The following MCM10 variants were observed in gnomAD, a reference collection of about 807,000 sequenced individuals.
MCM10 encodes minichromosome maintenance 10 replication initiation factor, also known as protein MCM10 homolog.
A neutral mutation model predicts 109.9 loss-of-function variants in MCM10; 91 were observed. That is an observed-to-expected ratio of 0.83 (90% CI 0.70 to 0.99). The LOEUF is 0.99. Among genes scored for constraint, MCM10 ranks in the 50% least tolerant of loss-of-function variants. The pLI, the probability that MCM10 is intolerant of heterozygous loss-of-function variation, is 0.00. For missense variants in MCM10, 1,077 were observed against 1,061.2 expected (o/e 1.01, Z -0.21); for synonymous variants, 380 against 387.2 (o/e 0.98, Z 0.22).
intron 5 of MCM10, among the ~76,000 whole-genome samples, chr10:13,174,853 G>T (rs1230497953): frequency 6.6e-6 from 1 of 152,188 alleles, no homozygotes; most frequent in African/African-American, 2.4e-5. Context: ...TCCTGGCCGG[G>T]GGCGGTGGTT....
chr10:13,171,453 A>G (rs964289877), intron 3 of MCM10, among the ~76,000 whole-genome samples, 190 bp downstream of exon 3: 2 of 152,232 alleles, frequency 1.3e-5, no homozygotes, highest in Admixed American at 1.3e-4. Context: ...AGCACAAACT[A>G]TAGACTCTAT....
At chr10:13,195,901 C>T (rs1385961771) in intron 14 of MCM10, among the ~76,000 whole-genome samples, 2 of 151,740 alleles carry the variant, frequency 1.3e-5, no homozygotes, top group Admixed American at 6.6e-5. Flanking sequence ...CCATGCCTGG[C>T]GGTTTTATTT....
intron 18 of MCM10, 38 bp downstream of exon 18, chr10:13,204,402 G>C (rs746725531): frequency 1.2e-6 from 2 of 1,607,988 alleles, no homozygotes; most frequent in South Asian, 2.2e-5. Flanking sequence ...CCCACGTGGG[G>C]ATTTTCATCT....
chr10:13,183,361 G>T (rs1021888320), intron 8 of MCM10, among the ~76,000 whole-genome samples: 1 of 152,066 alleles, frequency 6.6e-6, no homozygotes, highest in African/African-American at 2.4e-5. Context: ...AGGAGGCTGC[G>T]GTGGGAGGTT....
At chr10:13,170,714 CTTTCA>C (rs1055398762) in intron 2 of MCM10, among the ~76,000 whole-genome samples, 53 of 152,014 alleles carry the variant, frequency 3.5e-4, no homozygotes, top group African/African-American at 1.3e-3. Flanking sequence ...TTAGTTTCAG[CTTTCA>C]TTTTAGATTC....
chr10:13,177,186 A>C (rs973634780), intron 6 of MCM10, among the ~76,000 whole-genome samples: 2 of 152,220 alleles, frequency 1.3e-5, no homozygotes, highest in Non-Finnish European at 1.5e-5. Flanking sequence ...GAAGAGACTT[A>C]AACTACTCAG....
intron 2 of MCM10, among the ~76,000 whole-genome samples, chr10:13,168,946 A>G (rs1024868179): frequency 1.3e-5 from 2 of 152,236 alleles, no homozygotes; most frequent in Non-Finnish European, 2.9e-5. Context: ...CAGAAAAATC[A>G]AGCGGACATA....
chr10:13,207,413 C>T (rs914224768), intron 18 of MCM10, among the ~76,000 whole-genome samples: 1 of 151,948 alleles, frequency 6.6e-6, no homozygotes, highest in Non-Finnish European at 1.5e-5. Flanking sequence ...TTCATTGATA[C>T]TGAACCAGTC....
At chr10:13,200,375 G>A (rs1834481510) in intron 16 of MCM10, among the ~76,000 whole-genome samples, 1 of 152,180 alleles carries the variant, frequency 6.6e-6, no homozygotes, top group African/African-American at 2.4e-5. Flanking sequence ...GTCCCTGCCA[G>A]CCACAGAGGT....
chr10:13,162,757 G>A (rs935655337), intron 1 of MCM10, among the ~76,000 whole-genome samples: 2 of 152,198 alleles, frequency 1.3e-5, no homozygotes, highest in African/African-American at 4.8e-5. Context: ...TGGCACATGA[G>A]GGATCCGTGG....
At position 13,210,685 on chromosome 10, in the gene MCM10, T is replaced by C. The variant is rs181680455; in HGVS notation, c.*1375T>C. ...TATCTAACTTGTGTTCCTCCTAAGG[T>C]TATGTCCTAATAACTATTCTTTTAG... On this transcript the variant is annotated 3_prime_UTR_variant, in exon 20 of 20. Coordinates refer to ENST00000378714, the MANE Select transcript of MCM10 (RefSeq NM_018518.5). The C allele has an allele frequency of 6.6e-6, 1 of 152,312 alleles. No individual in the cohort carries two copies. Among genetic ancestry groups the C allele is most frequent in the Non-Finnish European group, 1.5e-5 (1 of 68,030 alleles). 9.4% of individuals were successfully genotyped at this position (152,312 alleles called of 1,614,324 possible). A position where few individuals can be genotyped will look rare whatever the true frequency, so the allele number is the denominator to read the frequency against.
intron 14 of MCM10, 158 bp downstream of exon 14, chr10:13,195,427 G>A: frequency 3.3e-6 from 2 of 605,538 alleles, no homozygotes; most frequent in Non-Finnish European, 5.6e-6. Flanking sequence ...AAGAAAGTTA[G>A]ATCTGTTATC....
chr10:13,188,942 G>T lies in MCM10; in HGVS notation c.1277G>T (p.Arg426Leu), dbSNP rs368963738. 1.2e-6 allele frequency: 2 copies of T among 1,614,230 alleles called. No individual in the cohort carries two copies. The highest frequency in any genetic ancestry group is 4.5e-5 in the East Asian group (2 of 44,890). The change falls in exon 10 of 20, where the codon CGT becomes CTT. Residue 426 changes from arginine (R) to leucine (L), a missense_variant. Arg to Leu is a moderately radical substitution (Grantham distance 102, BLOSUM62 -2). Transcript: ENST00000378714. ...CAGTACAAGAAGCTCAGCGCAAAGC[G>T]TGCGGATCTGCAGTCCACCTTCTCT... Reference protein sequence around the residue: ...QAQYKKLSAKRADLQSTFSGG... With the variant: ...QAQYKKLSAKLADLQSTFSGG...
chr10:13,184,834 A>G (rs557917705), intron 8 of MCM10, among the ~76,000 whole-genome samples: 1 of 152,318 alleles, frequency 6.6e-6, no homozygotes, highest in East Asian at 1.9e-4. Context: ...GTGAATTGGC[A>G]TACCGTGGAA....
At chr10:13,195,305 G>A in intron 14 of MCM10, 36 bp downstream of exon 14, 1 of 1,504,956 alleles carries the variant, frequency 6.6e-7, no homozygotes, top group Non-Finnish European at 9.0e-7. Flanking sequence ...ACTTGAGTTT[G>A]CATTCTGTAG....
At chr10:13,197,560 A>T (rs1313230016) in intron 14 of MCM10, 63 bp from the exon 15 acceptor site, 2 of 1,477,676 alleles carry the variant, frequency 1.4e-6, no homozygotes, top group East Asian at 2.3e-5. Flanking sequence ...AAAGGGATCC[A>T]GGTCTATAAG....
At chr10:13,181,103 G>A (rs1185253371) in intron 7 of MCM10, among the ~76,000 whole-genome samples, 1 of 152,194 alleles carries the variant, frequency 6.6e-6, no homozygotes, top group East Asian at 1.9e-4. Context: ...AGTCATAAAT[G>A]GGAAAGTTAT....
rs1397931494 is a variant in MCM10, at chr10:13,210,969, G to A, written c.*1659G>A. The A allele has an allele frequency of 6.6e-6, 1 of 151,994 alleles. No homozygotes were observed. Among genetic ancestry groups the A allele is most frequent in the Admixed American group, 6.6e-5 (1 of 15,238 alleles). The allele number at this position is 151,994 out of a possible 1,614,324, so 9.4% of individuals were successfully genotyped here. A position where few individuals can be genotyped will look rare whatever the true frequency, so the allele number is the denominator to read the frequency against. ...AAACAATGTTCTTGTTTGAACAGAG[G>A]GTATCATTGCAGTCAGTATTCACGT... On this transcript the variant is annotated 3_prime_UTR_variant, in exon 20 of 20. Transcript: ENST00000378714.
rs1435550051 is a variant in MCM10, at chr10:13,183,165, G to A, written c.1098+65G>A. ...TACAAGTTAACTGAGTTTTATCAAA[G>A]ATGTTTGATGCAGCACACAGTGGCT... On this transcript the variant is annotated intron_variant, in intron 8 of 19. Coordinates refer to ENST00000378714, the MANE Select transcript of MCM10 (RefSeq NM_018518.5). 6.5e-6 allele frequency: 10 copies of A among 1,539,658 alleles called. No individual in the cohort carries two copies. In the South Asian group the frequency reaches 1.0e-4, roughly 16 times the overall value.
Sources: gnomAD v4.1 joint callset for allele counts (sites outside exome capture counted in the v4.1 genomes callset) on GRCh38, gnomAD v4.1.1 for gene constraint, MANE v1.5 for transcripts, NCBI Gene and HGNC (gene_info 2026-07-23, HGNC 2026-07-21) for gene names.